The following SYNE2 variants were observed in gnomAD, a reference collection of about 807,000 sequenced individuals.
The protein encoded by SYNE2 is spectrin repeat containing nuclear envelope protein 2, also known as nesprin-2.
In SYNE2, 431 loss-of-function variants were observed where a neutral mutation model predicts 856.3. That is an observed-to-expected ratio of 0.50 (90% CI 0.47 to 0.55). SYNE2 has a LOEUF of 0.55. SYNE2 is among the 20% of genes least tolerant of loss of function. The pLI, the probability that SYNE2 is intolerant of heterozygous loss-of-function variation, is 0.00. For synonymous variants in SYNE2, 2,923 were observed against 2,872.3 expected (o/e 1.02, Z -0.56); for missense variants, 8,129 against 8,023.2 (o/e 1.01, Z -0.50).
At chr14:64,178,894 G>C (rs889184061) in intron 96 of SYNE2, among the ~76,000 whole-genome samples, 1 of 152,142 alleles carries the variant, frequency 6.6e-6, no homozygotes, top group Non-Finnish European at 1.5e-5. Context: ...AACAAAGTGA[G>C]ATCCCCATAT....
At position 63,909,199 on chromosome 14, in the gene SYNE2, C is replaced by T. The variant is rs891498867; in HGVS notation, c.51C>T (p.Gly17=). Residue 17 remains glycine, a synonymous_variant, in exon 2 of 116, where the codon GGC becomes GGT. Transcript: ENST00000555002. ...LPTEDEQGSW[G]IDDLHISLQA... The stretch of plus-strand genomic sequence containing the variant: ...CCGAAGATGAACAGGGTTCCTGGGG[C>T]ATCGACGATCTCCATATTTCATTGC... 1 of 1,612,894 alleles carries T rather than the reference C, an allele frequency of 6.2e-7. No individual in the cohort carries two copies. Among genetic ancestry groups the T allele is most frequent in the Non-Finnish European group, 8.5e-7 (1 of 1,179,394 alleles).
intron 2 of SYNE2, among the ~76,000 whole-genome samples, chr14:63,927,913 G>T (rs77598306): frequency 1.3e-5 from 2 of 151,750 alleles, no homozygotes; most frequent in African/African-American, 2.4e-5. Context: ...CATGCCTTTC[G>T]CCTTCTGCCA....
Position 63,995,110 on chromosome 14 carries a change from A to T in SYNE2, c.2848A>T (p.Ser950Cys), listed in dbSNP as rs1255895821. The change falls in exon 23 of 116, where the codon AGT (serine) becomes TGT (cysteine). Residue 950 changes from serine (S) to cysteine (C), a missense_variant. Physicochemically the swap from Ser to Cys is moderately radical, Grantham distance 112. Transcript: ENST00000555002. ...AATAGATATTGAAAAAGGAAAGCTTAGTGACAATATTTTAAAACTTGAAAA... is the reference window on the plus strand; with the variant it reads ...AATAGATATTGAAAAAGGAAAGCTTTGTGACAATATTTTAAAACTTGAAAA... ...LKIDIEKGKL[S>C]DNILKLEKQI... is the part of the protein sequence containing the mutation. 1.3e-6 allele frequency: 2 copies of T among 1,593,976 alleles called. No homozygotes were observed. Among genetic ancestry groups the T allele is most frequent in the Non-Finnish European group, 1.7e-6 (2 of 1,166,132 alleles).
intron 112 of SYNE2, 109 bp downstream of exon 112, chr14:64,221,813 TTTGCCTGTAAATGCACG>T (rs2098695612): frequency 7.4e-7 from 1 of 1,344,194 alleles, no homozygotes; most frequent in Admixed American, 1.7e-5. Flanking sequence ...GCCAGTGGTG[TTTGCCTGTAAATGCACG>T]AGTTCAGCCC....
At chr14:64,015,967 A>G (rs1320247180) in intron 32 of SYNE2, among the ~76,000 whole-genome samples, 1 of 152,022 alleles carries the variant, frequency 6.6e-6, no homozygotes, top group East Asian at 1.9e-4. Context: ...TCAGTTTCCC[A>G]GTGATTGGAG....
intron 95 of SYNE2, among the ~76,000 whole-genome samples, chr14:64,176,349 T>C (rs1472639694): frequency 6.6e-6 from 1 of 152,230 alleles, no homozygotes; most frequent in East Asian, 1.9e-4. Flanking sequence ...AGTTTTCCCA[T>C]TTTAAATATG....
chr14:64,128,418 T>G (rs2153675500), intron 73 of SYNE2, 34 bp from the exon 74 acceptor site: 728 of 1,158,414 alleles, frequency 6.3e-4, no homozygotes, highest in Non-Finnish European at 8.4e-4. Flanking sequence ...AAGGCCTAAA[T>G]GAGATTGCTC....
At chr14:64,196,313 G>A (rs1424364864) in intron 99 of SYNE2, among the ~76,000 whole-genome samples, 1 of 152,206 alleles carries the variant, frequency 6.6e-6, no homozygotes, top group African/African-American at 2.4e-5. Flanking sequence ...CACAAACCAA[G>A]CACTGCCACT....
intron 18 of SYNE2, among the ~76,000 whole-genome samples, chr14:63,986,205 T>C (rs566912819): frequency 1.2e-4 from 19 of 152,208 alleles, no homozygotes; most frequent in African/African-American, 4.6e-4. Flanking sequence ...GTTTAGGCAA[T>C]TCGCTTGCCT....
chr14:63,808,523 C>T (rs1015539816), intron 1 of SYNE2: 1 of 153,428 alleles, frequency 6.5e-6, no homozygotes, highest in Non-Finnish European at 1.4e-5. Flanking sequence ...CTGCCTCCAC[C>T]CAACCCCTGC....
At chr14:63,876,755 G>C (rs2094732043) in intron 1 of SYNE2, among the ~76,000 whole-genome samples, 1 of 152,100 alleles carries the variant, frequency 6.6e-6, no homozygotes, top group Admixed American at 6.6e-5. Flanking sequence ...CAAAGTGCTG[G>C]GATTACAGGC....
chr14:64,141,321 A>G lies in SYNE2; in HGVS notation c.14977-20A>G. On this transcript the variant is annotated intron_variant, in intron 80 of 115. Transcript: ENST00000555002. ...CTATATTTAAATTTTAAGTTTCTAA[A>G]TTTTAAAACTCTCCTTTAGGAGTTT... 6.2e-7 allele frequency: 1 copy of G among 1,604,254 alleles called. No homozygotes were observed. Among genetic ancestry groups the G allele is most frequent in the Non-Finnish European group, 8.5e-7 (1 of 1,174,558 alleles).
At chr14:63,909,300 A>G in intron 2 of SYNE2, 73 bp downstream of exon 2, 1 of 1,014,526 alleles carries the variant, frequency 9.9e-7, no homozygotes, top group Non-Finnish European at 1.6e-6. Flanking sequence ...TGCAAGTCAC[A>G]CTGATTTTCG....
intron 1 of SYNE2, among the ~76,000 whole-genome samples, chr14:63,893,282 G>C (rs1377580119): frequency 1.3e-5 from 2 of 152,216 alleles, no homozygotes; most frequent in Non-Finnish European, 2.9e-5. Context: ...TCCTTGGCCA[G>C]GTGCGGTGGC....
chr14:63,962,529 C>T (rs2096334076), intron 9 of SYNE2, among the ~76,000 whole-genome samples: 1 of 152,260 alleles, frequency 6.6e-6, no homozygotes, highest in South Asian at 2.1e-4. Context: ...TATTCTTTAG[C>T]TTCATGTAAA....
chr14:64,048,429 A>G lies in SYNE2; in HGVS notation c.7377+274A>G, dbSNP rs1044630888. 1.7e-5 allele frequency: 5 copies of G among 291,230 alleles called. No individual in the cohort carries two copies. The East Asian group carries it at 2.7e-4, about 16-fold the overall frequency. The allele number at this position is 291,230 out of a possible 1,614,324, so 18.0% of individuals were successfully genotyped here. Reference sequence around the variant, plus strand: ...GAAAATTTGGAGATTTTGACTTGCCATCATTCCTTTTCTTACAAGTATATA... The same window carrying G: ...GAAAATTTGGAGATTTTGACTTGCCGTCATTCCTTTTCTTACAAGTATATA... On this transcript the variant is annotated intron_variant, in intron 46 of 115. Coordinates refer to ENST00000555002, the MANE Select transcript of SYNE2 (RefSeq NM_182914.3).
chr14:63,992,561 G>A (rs567664896), intron 21 of SYNE2, among the ~76,000 whole-genome samples: 2 of 152,158 alleles, frequency 1.3e-5, no homozygotes, highest in Non-Finnish European at 2.9e-5. Context: ...GATTATGGAC[G>A]TGAGCCACTG....
intron 1 of SYNE2, among the ~76,000 whole-genome samples, chr14:63,783,768 C>T (rs1887414767): frequency 6.6e-6 from 1 of 152,098 alleles, no homozygotes; most frequent in Non-Finnish European, 1.5e-5. Flanking sequence ...ATCAAAGACT[C>T]ATTACAACTA....
intron 99 of SYNE2, chr14:64,190,643 CTGGGGGCCCATGACTGCCCCACTA>C: frequency 1.4e-6 from 1 of 701,676 alleles, no homozygotes; most frequent in Non-Finnish European, 2.6e-6. Flanking sequence ...CTTCTGGATG[CTGGGGGCCCATGACTGCCCCACTA>C]CTTGCACTCA....
Sources: allele counts gnomAD v4.1 joint callset (sites outside exome capture counted in the v4.1 genomes callset), GRCh38; gene constraint gnomAD v4.1.1; transcripts MANE v1.5; gene names NCBI Gene and HGNC (gene_info 2026-07-23, HGNC 2026-07-21).